The following INPP4B variants were observed in gnomAD, a reference collection of about 807,000 sequenced individuals.
The protein encoded by INPP4B is inositol polyphosphate-4-phosphatase type II B.
A neutral mutation model predicts 122.5 loss-of-function variants in INPP4B; 55 were observed. The ratio of observed to expected loss-of-function variants is 0.45; its 90% confidence interval spans 0.36 to 0.56. INPP4B has a LOEUF of 0.56. INPP4B is among the 20% of genes least tolerant of loss of function. The pLI is 0.00. For missense variants in INPP4B, 1,000 were observed against 1,097.7 expected, an observed-to-expected ratio of 0.91 and a Z score of 1.26; for synonymous variants, 403 against 388.7, an observed-to-expected ratio of 1.04 and a Z score of -0.43.
intron 7 of INPP4B, among the ~76,000 whole-genome samples, chr4:142,381,625 C>T (rs1410096778): frequency 6.6e-6 from 1 of 152,092 alleles, no homozygotes; most frequent in Admixed American, 6.6e-5. Context: ...CTCCTTGCCT[C>T]TAGATTGTAC....
chr4:142,661,626 C>T (rs1346336172), intron 2 of INPP4B, among the ~76,000 whole-genome samples: 1 of 152,124 alleles, frequency 6.6e-6, no homozygotes, highest in Non-Finnish European at 1.5e-5. Flanking sequence ...TAAATAAACC[C>T]TTTTTAAAAA....
intron 4 of INPP4B, among the ~76,000 whole-genome samples, chr4:142,429,805 T>A (rs1808896896): frequency 6.6e-6 from 1 of 151,466 alleles, no homozygotes; most frequent in East Asian, 1.9e-4. Flanking sequence ...GAGCTAGGAG[T>A]GAAAGTGAGT....
intron 17 of INPP4B, among the ~76,000 whole-genome samples, chr4:142,159,757 A>T (rs972753691): frequency 6.6e-6 from 1 of 151,894 alleles, no homozygotes; most frequent in African/African-American, 2.4e-5. Context: ...ATTCGGCCCA[A>T]CTAGAATTTC....
chr4:142,314,908 T>C (rs980058254), intron 7 of INPP4B, 146 bp from the exon 8 acceptor site: 40 of 656,950 alleles, frequency 6.1e-5, no homozygotes, highest in Non-Finnish European at 8.5e-5. Context: ...GTGCAACACC[T>C]GCGGCAGTGC....
chr4:142,624,634 C>T (rs556056776), intron 2 of INPP4B, among the ~76,000 whole-genome samples: 2 of 152,042 alleles, frequency 1.3e-5, no homozygotes, highest in Non-Finnish European at 2.9e-5. Flanking sequence ...TTTTATGAGG[C>T]CAGCATCATC....
At chr4:142,050,881 C>T (rs571806585) in intron 25 of INPP4B, among the ~76,000 whole-genome samples, 1 of 152,012 alleles carries the variant, frequency 6.6e-6, no homozygotes, top group Non-Finnish European at 1.5e-5. Flanking sequence ...TCTGGGTCCA[C>T]AGATACAACC....
intron 15 of INPP4B, among the ~76,000 whole-genome samples, chr4:142,174,408 G>C (rs1181529050): frequency 1.3e-5 from 2 of 152,082 alleles, no homozygotes; most frequent in Admixed American, 1.3e-4. Flanking sequence ...CATGTTACTA[G>C]GTGAGGGGTG....
chr4:142,554,781 A>T (rs949248334), intron 2 of INPP4B, among the ~76,000 whole-genome samples: 2 of 152,210 alleles, frequency 1.3e-5, no homozygotes, highest in East Asian at 3.9e-4. Context: ...TTTCTTTCAA[A>T]TGTTTGTGTA....
intron 1 of INPP4B, among the ~76,000 whole-genome samples, chr4:142,727,138 G>T (rs1327096557): frequency 6.6e-6 from 1 of 152,164 alleles, no homozygotes; most frequent in Non-Finnish European, 1.5e-5. Context: ...GGAAGAAAGA[G>T]TCCTTCTGGG....
chr4:142,650,312 CA>C (rs1243179768), intron 2 of INPP4B, among the ~76,000 whole-genome samples: 1 of 152,132 alleles, frequency 6.6e-6, no homozygotes, highest in Non-Finnish European at 1.5e-5. Context: ...CATCAATTAA[CA>C]GGCAAAATAA....
At chr4:142,698,943 C>T (rs185905381) in intron 2 of INPP4B, among the ~76,000 whole-genome samples, 68 of 152,274 alleles carry the variant, frequency 4.5e-4, no homozygotes, top group African/African-American at 1.5e-3. Context: ...TTTCCCTGGG[C>T]CCCTAGTATA....
chr4:142,711,767 GC>G (rs1763148724), intron 2 of INPP4B, among the ~76,000 whole-genome samples: 1 of 152,100 alleles, frequency 6.6e-6, no homozygotes, highest in Non-Finnish European at 1.5e-5. Flanking sequence ...AGAGGTGTAG[GC>G]TGGGCACGGT....
chr4:142,384,630 T>C (rs1561980691), intron 7 of INPP4B, among the ~76,000 whole-genome samples: 1 of 152,186 alleles, frequency 6.6e-6, no homozygotes, highest in Non-Finnish European at 1.5e-5. Flanking sequence ...GATCAAAACA[T>C]CATTATGCAG....
chr4:142,637,560 T>C (rs1252505069), intron 2 of INPP4B, among the ~76,000 whole-genome samples: 2 of 152,224 alleles, frequency 1.3e-5, no homozygotes, highest in Admixed American at 1.3e-4. Flanking sequence ...TAGTATTCCA[T>C]TGTCTGAATA....
At chr4:142,242,044 G>C (rs1254502356) in intron 11 of INPP4B, among the ~76,000 whole-genome samples, 1 of 152,150 alleles carries the variant, frequency 6.6e-6, no homozygotes. Context: ...TTATGTAGTT[G>C]TTTAATTAAT....
chr4:142,290,236 T>TCA (rs1190909436), intron 9 of INPP4B, among the ~76,000 whole-genome samples: 1 of 128,116 alleles, frequency 7.8e-6, no homozygotes, highest in Non-Finnish European at 1.6e-5. Context: ...AGATGGAATC[T>TCA]CACTCTGTTG....
intron 17 of INPP4B, among the ~76,000 whole-genome samples, chr4:142,146,416 A>G (rs891518540): frequency 2.0e-5 from 3 of 151,870 alleles, no homozygotes; most frequent in African/African-American, 7.3e-5. Flanking sequence ...TTATATATAC[A>G]TATATATATA....
chr4:142,434,120 G>A (rs1478431273), intron 3 of INPP4B, among the ~76,000 whole-genome samples: 1 of 152,120 alleles, frequency 6.6e-6, no homozygotes, highest in Non-Finnish European at 1.5e-5. Flanking sequence ...TTTTAGTCCA[G>A]TGTAAAAAAT....
intron 2 of INPP4B, among the ~76,000 whole-genome samples, chr4:142,548,756 TG>T (rs1727270710): frequency 7.7e-6 from 1 of 129,732 alleles, no homozygotes; most frequent in African/African-American, 3.1e-5. Flanking sequence ...TGTCTGTGTG[TG>T]TGTGTGTGTG....
Sources: allele counts gnomAD v4.1 joint callset (sites outside exome capture counted in the v4.1 genomes callset), GRCh38; gene constraint gnomAD v4.1.1; transcripts MANE v1.5; gene names NCBI Gene and HGNC (gene_info 2026-07-23, HGNC 2026-07-21).